Variants in MED13 observed in about 807,000 individuals in gnomAD.
The protein encoded by MED13 is mediator of RNA polymerase II transcription subunit 13.
In MED13, 23 loss-of-function variants were observed where a neutral mutation model predicts 225.2. The ratio of observed to expected loss-of-function variants is 0.10; its 90% CI spans 0.07 to 0.14. MED13 has a LOEUF of 0.14. Ranked by LOEUF, MED13 falls within the 10% of genes least tolerant of loss-of-function variation. The pLI, the probability that MED13 is intolerant of heterozygous loss-of-function variation, is 1.00. For missense variants in MED13, 2,197 were observed against 2,594.5 expected (o/e 0.85, Z 3.33); for synonymous variants, 942 against 889.2 (o/e 1.06, Z -1.06).
chr17:61,990,989 T>G (rs374198726), intron 11 of MED13, among the ~76,000 whole-genome samples: 1 of 152,334 alleles, frequency 6.6e-6, no homozygotes, highest in East Asian at 1.9e-4. Flanking sequence ...GTTTTAGATC[T>G]GAAGGACCTT....
intron 16 of MED13, among the ~76,000 whole-genome samples, chr17:61,978,974 CA>C (rs1488240550): frequency 6.6e-6 from 1 of 152,018 alleles, no homozygotes; most frequent in African/African-American, 2.4e-5. Context: ...AGAACATTAC[CA>C]AAAACGATCT....
intron 3 of MED13, among the ~76,000 whole-genome samples, chr17:62,048,627 C>T (rs1434594007): frequency 7.9e-5 from 12 of 152,004 alleles, no homozygotes; most frequent in Non-Finnish European, 4.4e-5. Flanking sequence ...GTGAGCCCCA[C>T]CTCCAAACCT....
In MED13 at chr17:61,965,302, C is replaced by T. The variant is rs1190853192; in HGVS notation, c.4548G>A (p.Val1516=). The change falls in exon 20 of 30, where the codon GTG becomes GTA. Residue 1516 remains valine (V), a synonymous_variant. Coordinates refer to ENST00000397786, the MANE Select transcript of MED13 (RefSeq NM_005121.3). ...AAGTAGATATGGCAACACCTGAAGT[C>T]ACTGTCATAGTGCTGCTCGCTGCAG... ...LASAASSTMT[V]TSGVAISTSV... The T allele has an allele frequency of 6.2e-7, 1 of 1,614,082 alleles. No homozygotes were observed. The highest frequency in any genetic ancestry group is 1.3e-5 in the African/African-American group (1 of 74,926).
intron 17 of MED13, among the ~76,000 whole-genome samples, chr17:61,971,142 C>T (rs2080104722): frequency 6.6e-6 from 1 of 151,910 alleles, no homozygotes; most frequent in Admixed American, 6.6e-5. Context: ...AAACACTGCA[C>T]TGGTAAAATA....
intron 26 of MED13, 60 bp from the exon 27 acceptor site, chr17:61,953,173 C>A: frequency 1.3e-6 from 2 of 1,511,798 alleles, no homozygotes; most frequent in South Asian, 1.3e-5. Context: ...TGGTCATTCA[C>A]AGGAAAGGGT....
At chr17:61,950,071 A>C (rs1258538010) in intron 28 of MED13, among the ~76,000 whole-genome samples, 1 of 152,236 alleles carries the variant, frequency 6.6e-6, no homozygotes. Context: ...AATAATCATT[A>C]AAAGACCCAG....
chr17:61,948,144 A>G (rs1378165193), intron 28 of MED13, among the ~76,000 whole-genome samples: 2 of 152,188 alleles, frequency 1.3e-5, no homozygotes, highest in South Asian at 2.1e-4. Context: ...ACAACCCATT[A>G]TATTTCCAAG....
At chr17:62,014,475 C>G (rs538831165) in intron 8 of MED13, among the ~76,000 whole-genome samples, 11 of 152,188 alleles carry the variant, frequency 7.2e-5, no homozygotes, top group African/African-American at 2.7e-4. Flanking sequence ...CGCCACCACA[C>G]TGGGCTGATT....
At chr17:62,022,941 T>C (rs1421597475) in intron 8 of MED13, among the ~76,000 whole-genome samples, 1 of 152,018 alleles carries the variant, frequency 6.6e-6, no homozygotes, top group Non-Finnish European at 1.5e-5. Flanking sequence ...GCCCAGGAGT[T>C]TGAGGCTATA....
rs1331672564 is a variant in MED13 at position 62,033,853 on chromosome 17, A to G, written c.748T>C (p.Ser250Pro). 6.2e-7 allele frequency: 1 copy of G among 1,614,122 alleles called. No individual in the cohort carries two copies. Among genetic ancestry groups the G allele is most frequent in the Admixed American group, 1.7e-5 (1 of 60,018 alleles). The change falls in exon 5 of 30, where the codon TCT (serine) becomes CCT (proline). Residue 250 changes from serine to proline, a missense_variant. Physicochemically the swap from Ser to Pro is moderately conservative, Grantham distance 74. Around this residue, in one of 12 missense-constraint regions of MED13, gnomAD observed 884 missense variants for 918.5 expected, o/e 0.96. Transcript: ENST00000397786. ...YPISCCLKEM[S>P]EEKQEDMDWE... Reference sequence around the variant, plus strand: ...TCCATATCTTCCTGTTTTTCTTCAGACATCTCCTTCAAGCAACATGAGATA... The same window carrying G: ...TCCATATCTTCCTGTTTTTCTTCAGGCATCTCCTTCAAGCAACATGAGATA...
rs1018552150 is a variant in MED13, at chr17:61,943,412, C to A, written c.*3056G>T. On this transcript the variant is annotated 3_prime_UTR_variant, in exon 30 of 30. Transcript: ENST00000397786. The stretch of plus-strand genomic sequence containing the variant: ...AACATAGTGCTTGATTAAAGATCTG[C>A]AAATCTTTGTAGTAACACATTAAGT... 1 of 152,446 alleles carries A rather than the reference C, an allele frequency of 6.6e-6. No homozygotes were observed. Among genetic ancestry groups the A allele is most frequent in the Non-Finnish European group, 1.5e-5 (1 of 67,978 alleles). The allele number at this position is 152,446 out of a possible 1,614,324, so 9.4% of individuals were successfully genotyped here.
intron 11 of MED13, among the ~76,000 whole-genome samples, chr17:61,987,854 C>A (rs200781528): frequency 1.3e-5 from 2 of 152,096 alleles, no homozygotes; most frequent in East Asian, 3.9e-4. Flanking sequence ...CGGGTTCAAG[C>A]AATCCTCCCA....
intron 28 of MED13, among the ~76,000 whole-genome samples, chr17:61,949,474 G>A (rs142313729): frequency 1.3e-5 from 2 of 152,256 alleles, no homozygotes; most frequent in East Asian, 3.9e-4. Context: ...TGATCCTCCT[G>A]CCTCGACCAC....
chr17:62,050,397 T>G (rs1361863939), intron 3 of MED13, among the ~76,000 whole-genome samples: 1 of 148,098 alleles, frequency 6.8e-6, no homozygotes, highest in Non-Finnish European at 1.5e-5. Context: ...GGAAAAGAAG[T>G]GTGTGCAAAA....
At chr17:61,984,540 A>G in intron 14 of MED13, 111 bp downstream of exon 14, 1 of 1,011,942 alleles carries the variant, frequency 9.9e-7, no homozygotes. Context: ...TCAGTCCTCA[A>G]CTTAGCTACA....
chr17:61,966,852 T>C (rs1462932891), intron 18 of MED13, among the ~76,000 whole-genome samples: 1 of 152,178 alleles, frequency 6.6e-6, no homozygotes, highest in Non-Finnish European at 1.5e-5. Flanking sequence ...TAGGTCTTTT[T>C]CATTTTTACA....
At chr17:62,018,119 C>A (rs2080600729) in intron 8 of MED13, among the ~76,000 whole-genome samples, 1 of 152,098 alleles carries the variant, frequency 6.6e-6, no homozygotes, top group African/African-American at 2.4e-5. Context: ...GGTACCACTG[C>A]AATATTTAGA....
rs2080460402 is a variant in MED13, at chr17:62,007,409, A to T, written c.1967+3141T>A. 2.6e-5 allele frequency: 4 copies of T among 152,386 alleles called. No homozygotes were observed. In the South Asian group the frequency reaches 8.3e-4, roughly 32 times the overall value. The allele number at this position is 152,386 out of a possible 1,614,324, so 9.4% of individuals were successfully genotyped here. ...GAATGTTTTTAAAACATGAGAAAGA[A>T]AAATTCAGAATTCAAGAAAGTTGAG... On this transcript the variant is annotated intron_variant, in intron 9 of 29. Transcript: ENST00000397786.
At chr17:62,040,292 G>C (rs1419763258) in intron 3 of MED13, among the ~76,000 whole-genome samples, 1 of 152,030 alleles carries the variant, frequency 6.6e-6, no homozygotes, top group Non-Finnish European at 1.5e-5. Context: ...TTACTATAAA[G>C]GATTGCAGAG....
Sources: gnomAD v4.1 joint callset for allele counts (sites outside exome capture counted in the v4.1 genomes callset) on GRCh38, gnomAD v4.1.1 for gene constraint, gnomAD v4.1.1 regional missense constraint, MANE v1.5 for transcripts, NCBI Gene and HGNC (gene_info 2026-07-23, HGNC 2026-07-21) for gene names.